GRID2IP: variants seen among roughly 807,000 people sequenced by gnomAD.
GRID2IP encodes delphilin.
GRID2IP carries 78 observed loss-of-function variants against 114.3 expected under a neutral mutation model. That is an observed-to-expected ratio of 0.68 (90% CI 0.57 to 0.82). The LOEUF (loss-of-function observed/expected upper bound fraction) is 0.82, where lower values mean the gene tolerates loss of function less well. Among genes scored for constraint, GRID2IP ranks in the 40% least tolerant of loss-of-function variants. The probability of loss-of-function intolerance (pLI) is 0.00; values close to 1 mark genes in which losing one functional copy is unlikely to be tolerated. For synonymous variants in GRID2IP, 809 were observed against 724.0 expected (o/e 1.12, Z -1.89); for missense variants, 1,727 against 1,678.5 (o/e 1.03, Z -0.51).
chr7:6,522,293 T>G (rs1211621696), intron 4 of GRID2IP, among the ~76,000 whole-genome samples: 3 of 152,060 alleles, frequency 2.0e-5, no homozygotes, highest in Non-Finnish European at 4.4e-5. Context: ...TCAGCTGCTC[T>G]AAGGATCTAA....
intron 1 of GRID2IP, among the ~76,000 whole-genome samples, chr7:6,540,517 G>GTTAT (rs1194775857): frequency 1.3e-5 from 2 of 150,932 alleles, no homozygotes; most frequent in Admixed American, 6.6e-5. Flanking sequence ...TTAATTTATT[G>GTTAT]TTATTTATTT....
At chr7:6,502,894 G>A in intron 17 of GRID2IP, 22 bp from the exon 18 acceptor site, 1 of 1,545,772 alleles carries the variant, frequency 6.5e-7, no homozygotes, top group South Asian at 1.2e-5. Flanking sequence ...AAGGTGGGTA[G>A]GTCCTGTCCT....
chr7:6,524,015 T>C (rs1779460800), intron 4 of GRID2IP, among the ~76,000 whole-genome samples: 1 of 152,150 alleles, frequency 6.6e-6, no homozygotes, highest in Non-Finnish European at 1.5e-5. Context: ...GTCAACAAGT[T>C]AGTGATGCCC....
rs1262922538 is a variant in GRID2IP at position 6,509,604 on chromosome 7, A to C, written c.1772-291T>G. 6.6e-6 allele frequency among the ~76,000 whole-genome samples: 1 copy of C among 152,162 alleles called. No homozygotes were observed. Among genetic ancestry groups the C allele is most frequent in the Non-Finnish European group, 1.5e-5 (1 of 68,008 alleles). On this transcript the variant is annotated intron_variant, in intron 11 of 21. Transcript: ENST00000457091. This position sits in a 1 kb window ranked among gnomAD's most constrained non-coding sequence, Gnocchi z 4.9. ...GAGCCACTGAACACCATTAACTCAA[A>C]GGGTGGAGGGGTTTCTCTAGGGCCC...
chr7:6,538,834 A>T (rs1200005414), intron 2 of GRID2IP, among the ~76,000 whole-genome samples: 1 of 152,132 alleles, frequency 6.6e-6, no homozygotes, highest in African/African-American at 2.4e-5. Context: ...AGATCACGCC[A>T]CTGCACTCCA....
intron 15 of GRID2IP, 134 bp from the exon 16 acceptor site, chr7:6,503,821 A>G: frequency 3.3e-6 from 2 of 609,944 alleles, no homozygotes; most frequent in Non-Finnish European, 5.3e-6. Flanking sequence ...CGGGGCCTTG[A>G]GGCTGGAAGG....
At position 6,503,405 on chromosome 7, in the gene GRID2IP, G is replaced by GA. The variant is rs1786473839; in HGVS notation, c.2907+85_2907+86insT. On this transcript the variant is annotated intron_variant, in intron 16 of 21. Coordinates refer to ENST00000457091, the MANE Select transcript of GRID2IP (RefSeq NM_001145118.2). ...TTGGGCGCAATGGCGGCCCCCGAAG[G>GA]CGCGCGGGACCCCAGCAGCCCTGGC... The GA allele has an allele frequency of 3.0e-6, 4 of 1,318,214 alleles. No individual in the cohort carries two copies. In the African/African-American group the frequency reaches 6.1e-5, roughly 20 times the overall value. 81.7% of individuals were successfully genotyped at this position (1,318,214 alleles called of 1,614,324 possible). A position where few individuals can be genotyped will look rare whatever the true frequency, so the allele number is the denominator to read the frequency against.
In GRID2IP at chr7:6,536,755, T is replaced by C. The variant is rs964359398; in HGVS notation, c.584+2963A>G. On this transcript the variant is annotated intron_variant, in intron 2 of 21. Transcript: ENST00000457091. The surrounding 1 kb of genome is among the most constrained non-coding windows in gnomAD (Gnocchi z 5.3). ...GCCAGCGCATCATCTCCGCGGCAAATTCGGCTCTAGAAATAACTTTTTTCC... is the reference window on the plus strand; with the variant it reads ...GCCAGCGCATCATCTCCGCGGCAAACTCGGCTCTAGAAATAACTTTTTTCC... 5.7e-6 allele frequency: 4 copies of C among 699,376 alleles called. No individual in the cohort carries two copies. Among genetic ancestry groups the C allele is most frequent in the African/African-American group, 5.3e-5 (3 of 57,138 alleles). 43.3% of individuals were successfully genotyped at this position (699,376 alleles called of 1,614,324 possible). A position where few individuals can be genotyped will look rare whatever the true frequency, so the allele number is the denominator to read the frequency against.
At chr7:6,518,455 A>G (rs1779353195) in intron 7 of GRID2IP, among the ~76,000 whole-genome samples, 1 of 151,092 alleles carries the variant, frequency 6.6e-6, no homozygotes, top group African/African-American at 2.4e-5. Flanking sequence ...TAGCAAAAAT[A>G]GGCCGGGTGT....
chr7:6,502,840 A>C lies in GRID2IP; in HGVS notation c.3096T>G (p.Asp1032Glu). 6.4e-7 allele frequency: 1 copy of C among 1,552,028 alleles called. No individual in the cohort carries two copies. The change falls in exon 18 of 22, where the codon GAT (aspartate) becomes GAG (glutamate). Residue 1032 changes from aspartate to glutamate, a missense_variant. Coordinates refer to ENST00000457091, the MANE Select transcript of GRID2IP (RefSeq NM_001145118.2). ...TAGTCTTGTTGGTTTTGGGCTGTCC[A>C]TCGTTGAGATAGTTGCCCATGGCCA... ...FVLAMGNYLN[D>E]GQPKTNKTTG...
In GRID2IP at chr7:6,509,409, G is replaced by T; in HGVS notation, c.1772-96C>A. 1 of 1,120,938 alleles carries T rather than the reference G, an allele frequency of 8.9e-7. No homozygotes were observed. The highest frequency in any genetic ancestry group is 1.2e-6 in the Non-Finnish European group (1 of 824,230). The allele number at this position is 1,120,938 out of a possible 1,614,324, so 69.4% of individuals were successfully genotyped here. A position where few individuals can be genotyped will look rare whatever the true frequency, so the allele number is the denominator to read the frequency against. ...GGGTCCTAGGACAGACTGGCTCTGT[G>T]TCCCAGGCCACTCTCCTTTCCCTCT... On this transcript the variant is annotated intron_variant, in intron 11 of 21. Coordinates refer to ENST00000457091, the MANE Select transcript of GRID2IP (RefSeq NM_001145118.2). This position sits in a 1 kb window ranked among gnomAD's most constrained non-coding sequence, Gnocchi z 4.9.
chr7:6,505,753 G>T, intron 14 of GRID2IP, 67 bp downstream of exon 14: 1 of 1,025,592 alleles, frequency 9.8e-7, no homozygotes, highest in Non-Finnish European at 1.5e-6. Context: ...CCTGGGAGAT[G>T]CTAAGCCTGG....
intron 20 of GRID2IP, among the ~76,000 whole-genome samples, chr7:6,498,814 G>C (rs908879587): frequency 5.9e-5 from 9 of 151,716 alleles, no homozygotes; most frequent in African/African-American, 2.2e-4. Context: ...CAAACTCCTG[G>C]GCTCAAGTGA....
intron 15 of GRID2IP, among the ~76,000 whole-genome samples, chr7:6,504,005 C>T (rs1029958901): frequency 2.7e-5 from 4 of 147,826 alleles, no homozygotes; most frequent in Non-Finnish European, 6.0e-5. Context: ...GGCGGGGCTT[C>T]CAGGTTGGCC....
chr7:6,537,949 C>A (rs1382534282), intron 2 of GRID2IP, among the ~76,000 whole-genome samples: 1 of 152,172 alleles, frequency 6.6e-6, no homozygotes, highest in East Asian at 1.9e-4. Context: ...TGGCTTCAGG[C>A]CAGCCTCTTA....
chr7:6,531,382 C>T (rs1314562010), intron 2 of GRID2IP, among the ~76,000 whole-genome samples: 2 of 152,252 alleles, frequency 1.3e-5, no homozygotes. Context: ...CCTTGGCTCT[C>T]TCCGTTATTC....
intron 20 of GRID2IP, among the ~76,000 whole-genome samples, chr7:6,501,546 A>T (rs550924274): frequency 6.6e-6 from 1 of 152,196 alleles, no homozygotes; most frequent in Non-Finnish European, 1.5e-5. Context: ...TACTAAAAAT[A>T]CAAAAATTAG....
intron 1 of GRID2IP, among the ~76,000 whole-genome samples, chr7:6,541,564 T>C (rs750456325): frequency 2.6e-5 from 4 of 152,140 alleles, no homozygotes; most frequent in African/African-American, 7.2e-5. Context: ...TGTGTGGCCA[T>C]TGGAAATGAG....
chr7:6,519,127 G>A lies in GRID2IP; in HGVS notation c.1268+1451C>T, dbSNP rs1025568177. ...AGATGGCTTCTTGCTCTGTTGCCCA[G>A]ACTGGTTTTGAACTCCTGGGCTCAA... On this transcript the variant is annotated intron_variant, in intron 7 of 21. Coordinates refer to ENST00000457091, the MANE Select transcript of GRID2IP (RefSeq NM_001145118.2). The surrounding 1 kb of genome is among the most constrained non-coding windows in gnomAD (Gnocchi z 4.1). Among the ~76,000 whole-genome samples, 1 of 151,832 alleles carries A rather than the reference G, an allele frequency of 6.6e-6. No individual in the cohort carries two copies. The highest frequency in any genetic ancestry group is 2.4e-5 in the African/African-American group (1 of 41,328).
Sources: gnomAD v4.1 joint callset for allele counts (sites outside exome capture counted in the v4.1 genomes callset) on GRCh38, gnomAD v4.1.1 for gene constraint, Gnocchi (gnomAD v3.1) non-coding constraint, MANE v1.5 for transcripts, NCBI Gene and HGNC (gene_info 2026-07-23, HGNC 2026-07-21) for gene names.